Variants in HENMT1 observed in about 807,000 individuals in gnomAD.
HENMT1 encodes the protein HEN methyltransferase 1, also known as small RNA 2'-O-methyltransferase.
In HENMT1, 27 loss-of-function variants were observed where a neutral mutation model predicts 31.1. That is an observed-to-expected ratio of 0.87 (90% CI 0.64 to 1.20). The LOEUF (loss-of-function observed/expected upper bound fraction) is 1.20. HENMT1 is among the 50% of genes most tolerant of loss of function. The pLI is 0.00. For missense variants in HENMT1, 438 were observed against 469.6 expected (o/e 0.93, Z 0.62); for synonymous variants, 167 against 172.2 (o/e 0.97, Z 0.24).
chr1:108,655,774 GGAGA>G, intron 3 of HENMT1, 76 bp from the exon 4 acceptor site: 1 of 724,134 alleles, frequency 1.4e-6, no homozygotes. Flanking sequence ...TTTTTGAGGA[GGAGA>G]GAGTGGAGTA....
intron 5 of HENMT1, among the ~76,000 whole-genome samples, chr1:108,653,673 A>C (rs1230120302): frequency 2.6e-5 from 4 of 152,112 alleles, no homozygotes; most frequent in African/African-American, 9.7e-5. Flanking sequence ...TTCCCTGATG[A>C]CTAGTGATGT....
chr1:108,648,551 G>A lies in HENMT1; in HGVS notation c.*15C>T. The A allele has an allele frequency of 1.2e-6, 2 of 1,601,112 alleles. No homozygotes were observed. The highest frequency in any genetic ancestry group is 1.1e-5 in the South Asian group (1 of 90,310). ...CTATCGCTGAGACCCTGAAATTTCA[G>A]GAAATAAACATGGTTCAAAACTCAA... is the stretch of plus-strand genomic sequence containing the variant. On this transcript the variant is annotated 3_prime_UTR_variant, in exon 8 of 8. Transcript: ENST00000651461.
Position 108,657,454 on chromosome 1 carries a change from C to A in HENMT1, c.147G>T (p.Lys49Asn). Residue 49 changes from lysine (K) to asparagine (N), a missense_variant, in exon 3 of 8, where the codon AAG becomes AAT. Coordinates refer to ENST00000651461, the MANE Select transcript of HENMT1 (RefSeq NM_001102592.2). ...GTTTGGAAAGAGAAATACCTACCTT[C>A]TTAGGCTCATGTTGATCCACTAAAT... ...VKNLVDQHEP[K>N]KVADLGCGDT... 1 of 1,602,746 alleles carries A rather than the reference C, an allele frequency of 6.2e-7. No individual in the cohort carries two copies. Among genetic ancestry groups the A allele is most frequent in the East Asian group, 2.2e-5 (1 of 44,806 alleles).
intron 6 of HENMT1, 40 bp from the exon 7 acceptor site, chr1:108,650,428 T>G: frequency 6.4e-7 from 1 of 1,563,328 alleles, no homozygotes; most frequent in South Asian, 1.2e-5. Flanking sequence ...TTTCTAAATG[T>G]AGAGCTACTG....
At chr1:108,659,341 G>A (rs748133737) in intron 2 of HENMT1, among the ~76,000 whole-genome samples, 14 of 152,004 alleles carry the variant, frequency 9.2e-5, no homozygotes, top group Non-Finnish European at 1.5e-4. Context: ...TCCAGCCTGG[G>A]CAACAGAGCA....
chr1:108,648,846 G>T lies in HENMT1; in HGVS notation c.902C>A (p.Pro301His), dbSNP rs1230384120. 2 of 1,614,114 alleles carry T rather than the reference G, an allele frequency of 1.2e-6. No homozygotes were observed. Among genetic ancestry groups the T allele is most frequent in the Non-Finnish European group, 1.7e-6 (2 of 1,180,030 alleles). Residue 301 changes from proline (P) to histidine (H), a missense_variant, in exon 8 of 8, where the codon CCC becomes CAC. By Grantham distance (77) the Pro-to-His change is moderately conservative. Transcript: ENST00000651461. The stretch of plus-strand genomic sequence containing the variant: ...GGCCTTTGAGCCACCAATGTCTTTG[G>T]GCTTATCACCCCGTTCCCCAGCCTG... Reference protein sequence around the residue: ...KEQAGERGDKPKDIGGSKAPV... With the variant: ...KEQAGERGDKHKDIGGSKAPV...
rs762117972 is a variant in HENMT1, at chr1:108,651,098, C to T, written c.510G>A (p.Leu170=). 2 of 1,613,922 alleles carry T rather than the reference C, an allele frequency of 1.2e-6. No individual in the cohort carries two copies. The highest frequency in any genetic ancestry group is 3.3e-5 in the Admixed American group (2 of 60,024). ...ISTPNSEFNP[L]FPSVTLRDSD... ...AATCTCTTAAGGTCACTGATGGAAA[C>T]AGGGGATTGAATTCAGAGTTTGGTG... Residue 170 remains leucine (L), a synonymous_variant, in exon 6 of 8, where the codon CTG becomes CTA. Transcript: ENST00000651461.
chr1:108,648,522 A>C lies in HENMT1; in HGVS notation c.*44T>G, dbSNP rs762364834. The C allele has an allele frequency of 4.6e-6, 7 of 1,524,676 alleles. No individual in the cohort carries two copies. In the African/African-American group the frequency reaches 8.3e-5, roughly 18 times the overall value. 94.4% of individuals were successfully genotyped at this position (1,524,676 alleles called of 1,614,324 possible). A position where few individuals can be genotyped will look rare whatever the true frequency, so the allele number is the denominator to read the frequency against. ...AAAAAAAACTAAATTCTAAGTGAGC[A>C]CAACTATCGCTGAGACCCTGAAATT... On this transcript the variant is annotated 3_prime_UTR_variant, in exon 8 of 8. Coordinates refer to ENST00000651461, the MANE Select transcript of HENMT1 (RefSeq NM_001102592.2).
intron 4 of HENMT1, 99 bp from the exon 5 acceptor site, chr1:108,654,949 T>C: frequency 1.6e-6 from 2 of 1,218,396 alleles, no homozygotes; most frequent in Non-Finnish European, 2.4e-6. Flanking sequence ...CTTCTACCTC[T>C]ATTGATATAA....
chr1:108,652,713 G>A (rs1419935929), intron 5 of HENMT1, among the ~76,000 whole-genome samples: 1 of 152,104 alleles, frequency 6.6e-6, no homozygotes, highest in Admixed American at 6.5e-5. Flanking sequence ...GGGAGGCCGA[G>A]GTGGGCAGAT....
intron 1 of HENMT1, among the ~76,000 whole-genome samples, chr1:108,660,514 C>A (rs1658420651): frequency 6.6e-6 from 1 of 152,222 alleles, no homozygotes; most frequent in African/African-American, 2.4e-5. Context: ...GATGCTCCAA[C>A]ATCTATTCAA....
At chr1:108,654,137 G>A (rs565746689) in intron 5 of HENMT1, among the ~76,000 whole-genome samples, 1 of 152,020 alleles carries the variant, frequency 6.6e-6, no homozygotes, top group East Asian at 1.9e-4. Context: ...TATTGAGGAG[G>A]GTGTCCTTTT....
chr1:108,655,511 T>C (rs1291485151), intron 4 of HENMT1, 75 bp downstream of exon 4: 4 of 817,144 alleles, frequency 4.9e-6, no homozygotes, highest in Non-Finnish European at 7.6e-6. Flanking sequence ...AAATATAAAA[T>C]CAACACTTTC....
chr1:108,650,007 G>C (rs1160060526), intron 7 of HENMT1: 1 of 672,698 alleles, frequency 1.5e-6, no homozygotes. Flanking sequence ...AACATGCCTT[G>C]AAACACCAAA....
At chr1:108,655,848 T>TACACACACACACAC (rs61122468) in intron 3 of HENMT1, 150 bp from the exon 4 acceptor site, 31 of 234,036 alleles carry the variant, frequency 1.3e-4, no homozygotes, top group African/African-American at 4.2e-4. Flanking sequence ...CAGAAGATGC[T>TACACACACACACAC]ACACACACAC....
In HENMT1 at chr1:108,661,045, C is replaced by T. The variant is rs570873699; in HGVS notation, c.-161G>A. 26 of 981,090 alleles carry T rather than the reference C, an allele frequency of 2.7e-5. No individual in the cohort carries two copies. The highest frequency in any genetic ancestry group is 3.1e-5 in the Non-Finnish European group (26 of 826,148). The allele number at this position is 981,090 out of a possible 1,614,324, so 60.8% of individuals were successfully genotyped here. ...AGCATGCCCAACCGAAAAAACAAAG[C>T]TCGTCGCGGAGCCGCCAGCGTCCTC... is the stretch of plus-strand genomic sequence containing the variant. On this transcript the variant is annotated 5_prime_UTR_variant, in exon 1 of 8. Coordinates refer to ENST00000651461, the MANE Select transcript of HENMT1 (RefSeq NM_001102592.2).
Position 108,651,121 on chromosome 1 carries a change from G to C in HENMT1, c.487C>G (p.Pro163Ala). 1 of 1,613,740 alleles carries C rather than the reference G, an allele frequency of 6.2e-7. No individual in the cohort carries two copies. Among genetic ancestry groups the C allele is most frequent in the Non-Finnish European group, 8.5e-7 (1 of 1,179,670 alleles). The change falls in exon 6 of 8, where the codon CCA (proline) becomes GCA (alanine). Residue 163 changes from proline to alanine, a missense_variant. Pro to Ala is a conservative substitution (Grantham distance 27). Transcript: ENST00000651461. ...AACAGGGGATTGAATTCAGAGTTTG[G>C]TGTGCTGATGACAATCATGGATGGA... The part of the protein sequence containing the change: ...LSPSMIVIST[P>A]NSEFNPLFPS...
chr1:108,648,402 C>A lies in HENMT1; in HGVS notation c.*164G>T. On this transcript the variant is annotated 3_prime_UTR_variant, in exon 8 of 8. Coordinates refer to ENST00000651461, the MANE Select transcript of HENMT1 (RefSeq NM_001102592.2). ...CTCATATCTTTCTCAGGGCTCACTG[C>A]AGTCTGGCCATATCTCAAGCAGGTC... is the stretch of plus-strand genomic sequence containing the variant. The A allele has an allele frequency of 1.6e-6, 1 of 620,810 alleles. No individual in the cohort carries two copies. Among genetic ancestry groups the A allele is most frequent in the South Asian group, 2.1e-5 (1 of 48,070 alleles). The allele number at this position is 620,810 out of a possible 1,614,324, so 38.5% of individuals were successfully genotyped here.
intron 2 of HENMT1, 113 bp downstream of exon 2, chr1:108,659,751 C>A: frequency 1.5e-6 from 1 of 660,594 alleles, no homozygotes. Flanking sequence ...TCAACCAACA[C>A]CCCGGGAAAT....
Sources: allele counts gnomAD v4.1 joint callset (sites outside exome capture counted in the v4.1 genomes callset), GRCh38; gene constraint gnomAD v4.1.1; transcripts MANE v1.5; gene names NCBI Gene and HGNC (gene_info 2026-07-23, HGNC 2026-07-21).